Variants in STX2 observed in about 807,000 individuals in gnomAD.
STX2 encodes the protein syntaxin-2.
STX2 carries 27 observed loss-of-function variants against 40.6 expected under a neutral mutation model. The ratio of observed to expected loss-of-function variants is 0.66; its 90% CI spans 0.49 to 0.92. The LOEUF (loss-of-function observed/expected upper bound fraction) is 0.92, where lower values mean the gene tolerates loss of function less well. Among genes scored for constraint, STX2 ranks in the 40% least tolerant of loss-of-function variants. The probability of loss-of-function intolerance (pLI) is 0.00; values close to 1 mark genes in which losing one functional copy is unlikely to be tolerated. For synonymous variants in STX2, 123 were observed against 119.1 expected (o/e 1.03, Z -0.22); for missense variants, 328 against 366.1 (o/e 0.90, Z 0.85).
chr12:130,821,236 C>G (rs1952101381), intron 3 of STX2, among the ~76,000 whole-genome samples: 1 of 152,230 alleles, frequency 6.6e-6, no homozygotes, highest in African/African-American at 2.4e-5. Context: ...CCCCCACAGC[C>G]ACTGAGCGCA....
In STX2 at chr12:130,799,813, C is replaced by CA. The variant is rs57853266; in HGVS notation, c.676-1179dup. 5.8e-5 allele frequency among the ~76,000 whole-genome samples: 8 copies of CA among 137,166 alleles called. No homozygotes were observed. In the East Asian group the frequency reaches 8.6e-4, roughly 15 times the overall value. The allele number at this position is 137,166 out of a possible 152,430, so 90.0% of individuals were successfully genotyped here. A position where few individuals can be genotyped will look rare whatever the true frequency, so the allele number is the denominator to read the frequency against. On this transcript the variant is annotated intron_variant, in intron 8 of 10. Transcript: ENST00000392373. ...TGGGCAACAGAGCAAGACCCTGTCT[C>CA]AAAAAAAAAAAAAAAAATAGGCATG...
intron 3 of STX2, among the ~76,000 whole-genome samples, chr12:130,818,218 A>AT (rs1565924788): frequency 3.2e-5 from 4 of 126,942 alleles, no homozygotes; most frequent in African/African-American, 6.6e-5. Context: ...ATATATATAT[A>AT]AAATTATCTG....
At chr12:130,818,185 A>AATATATATATATATATATATATAT (rs1168152790) in intron 3 of STX2, among the ~76,000 whole-genome samples, 8 of 70,532 alleles carry the variant, frequency 1.1e-4, no homozygotes, top group Admixed American at 3.2e-4. Context: ...AAAAAAAAAA[A>AATATATATATATATATATATATAT]ATATATATAT....
intron 9 of STX2, among the ~76,000 whole-genome samples, chr12:130,797,555 C>T (rs1951070018): frequency 6.6e-6 from 1 of 152,164 alleles, no homozygotes. Context: ...GTCTCAGGGC[C>T]ATCGCCTGGA....
intron 6 of STX2, among the ~76,000 whole-genome samples, chr12:130,803,739 C>T (rs563898380): frequency 2.0e-5 from 3 of 151,728 alleles, no homozygotes; most frequent in South Asian, 2.1e-4. Flanking sequence ...GTCTTCCCAC[C>T]GGCTAACTGC....
At chr12:130,815,961 T>C (rs540427824) in intron 3 of STX2, among the ~76,000 whole-genome samples, 3 of 152,286 alleles carry the variant, frequency 2.0e-5, no homozygotes, top group Admixed American at 6.5e-5. Flanking sequence ...CAAAATGCCT[T>C]ATAAAATGGG....
intron 6 of STX2, among the ~76,000 whole-genome samples, chr12:130,803,348 A>G (rs1951298666): frequency 6.6e-6 from 1 of 152,232 alleles, no homozygotes; most frequent in Non-Finnish European, 1.5e-5. Flanking sequence ...AAAAAATAAA[A>G]TAAAACTTAA....
chr12:130,800,228 T>C (rs927690989), intron 8 of STX2, among the ~76,000 whole-genome samples: 6 of 152,192 alleles, frequency 3.9e-5, no homozygotes, highest in Admixed American at 1.3e-4. Context: ...TCACAGAGCA[T>C]GTGATCTGTG....
At chr12:130,814,458 G>A (rs542740101) in intron 3 of STX2, among the ~76,000 whole-genome samples, 13 of 152,000 alleles carry the variant, frequency 8.6e-5, no homozygotes, top group South Asian at 2.1e-4. Flanking sequence ...CTATGGCACA[G>A]AGCAGCGGGA....
In STX2 at chr12:130,807,110, A is replaced by C. The variant is rs760969343; in HGVS notation, c.355-20T>G. On this transcript the variant is annotated intron_variant, in intron 5 of 10. Coordinates refer to ENST00000392373, the MANE Select transcript of STX2 (RefSeq NM_194356.4). The stretch of plus-strand genomic sequence containing the variant: ...CGAATGCTAACAACACAGGAAAACT[A>C]CATTCGTATCTGAGGGCCATGCCTT... 7.4e-6 allele frequency: 12 copies of C among 1,611,152 alleles called. No individual in the cohort carries two copies. In the South Asian group the frequency reaches 9.9e-5, roughly 13 times the overall value.
At chr12:130,829,411 A>G (rs1453290822) in intron 1 of STX2, among the ~76,000 whole-genome samples, 1 of 152,232 alleles carries the variant, frequency 6.6e-6, no homozygotes, top group East Asian at 1.9e-4. Context: ...GGGACGGCAG[A>G]GCAGAAAACG....
At position 130,822,009 on chromosome 12, in the gene STX2, C is replaced by T. The variant is rs114059646; in HGVS notation, c.106-221G>A. ...TAAAGCAGTACCAATCAACATTCAC[C>T]GGGAAAACCTATCAGGTTGTAAAAA... On this transcript the variant is annotated intron_variant, in intron 2 of 10. Transcript: ENST00000392373. Among the ~76,000 whole-genome samples, 639 of 152,238 alleles carry T rather than the reference C, an allele frequency of 4.2e-3. 3 individuals carry two copies. Among genetic ancestry groups the T allele is most frequent in the African/African-American group, 0.014 (571 of 41,536 alleles).
intron 1 of STX2, among the ~76,000 whole-genome samples, chr12:130,828,524 G>A (rs931113581): frequency 6.6e-6 from 1 of 151,024 alleles, no homozygotes; most frequent in Non-Finnish European, 1.5e-5. Flanking sequence ...ACAGGCATGA[G>A]CCACTTCGCC....
chr12:130,820,645 GAC>G (rs1952075765), intron 3 of STX2, among the ~76,000 whole-genome samples: 4 of 152,014 alleles, frequency 2.6e-5, no homozygotes, highest in South Asian at 4.2e-4. Flanking sequence ...CAGCCTGTGT[GAC>G]AGAGTGAGAC....
At chr12:130,814,627 C>CTTTTTT (rs5801936) in intron 3 of STX2, among the ~76,000 whole-genome samples, 1 of 49,224 alleles carries the variant, frequency 2.0e-5, no homozygotes, top group Non-Finnish European at 3.5e-5. Context: ...ATTAGAAAGA[C>CTTTTTT]TTTTTTTTTT....
At chr12:130,833,981 C>G (rs1952669496) in intron 1 of STX2, among the ~76,000 whole-genome samples, 1 of 152,184 alleles carries the variant, frequency 6.6e-6, no homozygotes, top group Non-Finnish European at 1.5e-5. Context: ...CAGGAAAAAA[C>G]AGGACTGCAT....
At chr12:130,795,792 T>G (rs1951011230) in intron 10 of STX2, among the ~76,000 whole-genome samples, 1 of 152,188 alleles carries the variant, frequency 6.6e-6, no homozygotes, top group Non-Finnish European at 1.5e-5. Context: ...AAAAATGAGT[T>G]ACCGCCCAGC....
intron 1 of STX2, among the ~76,000 whole-genome samples, chr12:130,829,058 G>A (rs1952452095): frequency 6.6e-6 from 1 of 152,034 alleles, no homozygotes; most frequent in African/African-American, 2.4e-5. Context: ...GTCAGACCAG[G>A]TGCGTTATCT....
intron 1 of STX2, among the ~76,000 whole-genome samples, chr12:130,831,644 A>G (rs1051834311): frequency 5.3e-5 from 8 of 152,166 alleles, no homozygotes. Flanking sequence ...AAAACAAATA[A>G]ATAAATATGT....
Sources: gnomAD v4.1 joint callset for allele counts (sites outside exome capture counted in the v4.1 genomes callset) on GRCh38, gnomAD v4.1.1 for gene constraint, MANE v1.5 for transcripts, NCBI Gene and HGNC (gene_info 2026-07-23, HGNC 2026-07-21) for gene names.